Variants in SEC63 observed in about 807,000 individuals in gnomAD.
SEC63 encodes SEC63 protein translocation regulator, also known as translocation protein SEC63 homolog.
SEC63 carries 56 observed loss-of-function variants against 116.2 expected under a neutral mutation model. That is an observed-to-expected ratio of 0.48 (90% CI 0.39 to 0.60). The LOEUF (loss-of-function observed/expected upper bound fraction) is 0.60, where lower values mean the gene tolerates loss of function less well. Among genes scored for constraint, SEC63 ranks in the 20% least tolerant of loss-of-function variants. SEC63 has a pLI of 0.00. For synonymous variants in SEC63, 273 were observed against 294.6 expected, an observed-to-expected ratio of 0.93 and a Z score of 0.75; for missense variants, 668 against 900.0, an observed-to-expected ratio of 0.74 and a Z score of 3.30.
At chr6:107,893,186 G>C (rs558638966) in intron 16 of SEC63, among the ~76,000 whole-genome samples, 1 of 151,176 alleles carries the variant, frequency 6.6e-6, no homozygotes, top group East Asian at 1.9e-4. Context: ...ACAATACAGA[G>C]GGATTATCAT....
chr6:107,937,086 A>C (rs1770264302), intron 1 of SEC63, among the ~76,000 whole-genome samples: 2 of 149,942 alleles, frequency 1.3e-5, no homozygotes, highest in Non-Finnish European at 3.0e-5. Flanking sequence ...CATTCTTTTT[A>C]ATGGCTGTGT....
intron 14 of SEC63, among the ~76,000 whole-genome samples, chr6:107,896,931 G>A (rs1250799701): frequency 6.6e-6 from 1 of 150,956 alleles, no homozygotes; most frequent in Non-Finnish European, 1.5e-5. Context: ...AGTGAGCCAA[G>A]ATCACGCCAT....
intron 16 of SEC63, among the ~76,000 whole-genome samples, chr6:107,885,477 A>C (rs1233819043): frequency 6.6e-6 from 1 of 152,238 alleles, no homozygotes; most frequent in Non-Finnish European, 1.5e-5. Flanking sequence ...GGAAATTACA[A>C]AACACTGCTG....
At chr6:107,906,205 T>C (rs1180245406) in intron 10 of SEC63, among the ~76,000 whole-genome samples, 2 of 152,228 alleles carry the variant, frequency 1.3e-5, no homozygotes, top group Non-Finnish European at 2.9e-5. Flanking sequence ...ACACTTGCTC[T>C]GCCTTTGCCT....
At chr6:107,953,265 A>C (rs867885494) in intron 1 of SEC63, among the ~76,000 whole-genome samples, 13 of 152,266 alleles carry the variant, frequency 8.5e-5, no homozygotes, top group South Asian at 4.1e-4. Flanking sequence ...ATCTCAAAAA[A>C]TAAAAATACT....
rs2114380173 is a variant in SEC63, at chr6:107,869,134, C to G, written c.*2570G>C. The G allele has an allele frequency of 6.6e-6, 1 of 152,124 alleles. No homozygotes were observed. The highest frequency in any genetic ancestry group is 2.1e-4 in the South Asian group (1 of 4,816). The allele number at this position is 152,124 out of a possible 1,614,324, so 9.4% of individuals were successfully genotyped here. On this transcript the variant is annotated 3_prime_UTR_variant, in exon 21 of 21. Transcript: ENST00000369002. Reference sequence around the variant, plus strand: ...GTCCTTTTCCAGCCCTCAGTGAAAGCTGGGAGAAGCAGAGCAGAAGGTATT... The same window carrying G: ...GTCCTTTTCCAGCCCTCAGTGAAAGGTGGGAGAAGCAGAGCAGAAGGTATT...
chr6:107,880,996 GTAA>G, intron 18 of SEC63, 150 bp downstream of exon 18: 1 of 647,056 alleles, frequency 1.5e-6, no homozygotes, highest in Non-Finnish European at 2.8e-6. Context: ...AATACCTATT[GTAA>G]TATTCCCTTT....
At position 107,893,730 on chromosome 6, in the gene SEC63, G is replaced by C. The variant is rs1786747142; in HGVS notation, c.1501-75C>G. ...TGAAGGTTGTAGTAATTTTTAGGTGGAAATAGCTAAACTGAATTACTCTCC... is the reference window on the plus strand; with the variant it reads ...TGAAGGTTGTAGTAATTTTTAGGTGCAAATAGCTAAACTGAATTACTCTCC... On this transcript the variant is annotated intron_variant, in intron 15 of 20. Coordinates refer to ENST00000369002, the MANE Select transcript of SEC63 (RefSeq NM_007214.5). The C allele has an allele frequency of 1.9e-6, 3 of 1,591,784 alleles. No individual in the cohort carries two copies. In the South Asian group the frequency reaches 3.3e-5, roughly 18 times the overall value.
intron 1 of SEC63, among the ~76,000 whole-genome samples, chr6:107,937,346 G>C (rs984029466): frequency 5.6e-4 from 85 of 151,952 alleles, no homozygotes; most frequent in Middle Eastern, 3.4e-3. Context: ...GGCTGGTCTC[G>C]AACTCCTGAC....
intron 1 of SEC63, chr6:107,955,996 C>A (rs776898289): frequency 2.1e-5 from 9 of 424,944 alleles, no homozygotes; most frequent in Non-Finnish European, 4.3e-5. Context: ...TTTCAAAAAT[C>A]CATCCTGACA....
chr6:107,889,239 T>C (rs926945986), intron 16 of SEC63, among the ~76,000 whole-genome samples: 1 of 152,136 alleles, frequency 6.6e-6, no homozygotes, highest in East Asian at 1.9e-4. Context: ...TTTTGGTTGG[T>C]AGGGTATTAA....
intron 14 of SEC63, among the ~76,000 whole-genome samples, chr6:107,894,139 A>C (rs955406290): frequency 1.3e-5 from 2 of 152,254 alleles, no homozygotes; most frequent in African/African-American, 2.4e-5. Context: ...CAAGTTTACA[A>C]ACACAGTAAG....
In SEC63 at chr6:107,942,611, C is replaced by T. The variant is rs564740901; in HGVS notation, c.125-13097G>A. ...TATAGTACAGTTAACCCTTGAACAACGTTGGGGTTAGGGGCCCTGTCCCCA... is the reference window on the plus strand; with the variant it reads ...TATAGTACAGTTAACCCTTGAACAATGTTGGGGTTAGGGGCCCTGTCCCCA... On this transcript the variant is annotated intron_variant, in intron 1 of 20. Coordinates refer to ENST00000369002, the MANE Select transcript of SEC63 (RefSeq NM_007214.5). 1.2e-4 allele frequency among the ~76,000 whole-genome samples: 18 copies of T among 152,296 alleles called. No homozygotes were observed. The South Asian group carries it at 1.9e-3, about 16-fold the overall frequency.
At chr6:107,903,413 T>G (rs1488861575) in intron 11 of SEC63, among the ~76,000 whole-genome samples, 1 of 149,272 alleles carries the variant, frequency 6.7e-6, no homozygotes, top group Admixed American at 6.7e-5. Flanking sequence ...AAAAAATGGC[T>G]AGGTGCCTGT....
chr6:107,933,353 TA>T, intron 1 of SEC63, among the ~76,000 whole-genome samples: 1 of 152,198 alleles, frequency 6.6e-6, no homozygotes, highest in Non-Finnish European at 1.5e-5. Context: ...GAGTTTGTAG[TA>T]ATTTGTTACA....
At position 107,871,581 on chromosome 6, in the gene SEC63, A is replaced by T. The variant is rs503068; in HGVS notation, c.*123T>A. The stretch of plus-strand genomic sequence containing the variant: ...CCTAGTTATATTATGCACCCATTTC[A>T]AGAGTAAAAAAACTACACCTCCCTC... On this transcript the variant is annotated 3_prime_UTR_variant, in exon 21 of 21. Transcript: ENST00000369002. The T allele has an allele frequency of 0.86, 743,222 of 864,934 alleles. 320,844 individuals carry two copies. The highest frequency in any genetic ancestry group is 0.91 in the African/African-American group (55,076 of 60,434). The allele number at this position is 864,934 out of a possible 1,614,324, so 53.6% of individuals were successfully genotyped here.
At chr6:107,932,672 C>T (rs747710365) in intron 1 of SEC63, among the ~76,000 whole-genome samples, 4 of 152,128 alleles carry the variant, frequency 2.6e-5, no homozygotes, top group Non-Finnish European at 2.9e-5. Flanking sequence ...AATATCACTA[C>T]GAATGAATGT....
At chr6:107,956,457 T>G (rs765022969) in intron 1 of SEC63, among the ~76,000 whole-genome samples, 33 of 152,012 alleles carry the variant, frequency 2.2e-4, no homozygotes, top group Non-Finnish European at 5.9e-5. Context: ...ACCTACCCAA[T>G]TTTTTTTCCT....
At chr6:107,956,466 C>G (rs1421164538) in intron 1 of SEC63, among the ~76,000 whole-genome samples, 1 of 152,012 alleles carries the variant, frequency 6.6e-6, no homozygotes, top group South Asian at 2.1e-4. Context: ...ATTTTTTTTC[C>G]TTTTTCAACA....
Sources: gnomAD v4.1 joint callset for allele counts (sites outside exome capture counted in the v4.1 genomes callset) on GRCh38, gnomAD v4.1.1 for gene constraint, MANE v1.5 for transcripts, NCBI Gene and HGNC (gene_info 2026-07-23, HGNC 2026-07-21) for gene names.